Variants in DIAPH2 observed in about 807,000 individuals in gnomAD.
The protein encoded by DIAPH2 is diaphanous related formin 2.
DIAPH2 carries 35 observed loss-of-function variants against 92.7 expected under a neutral mutation model. That is an observed-to-expected ratio of 0.38 (90% CI 0.29 to 0.50). The LOEUF is 0.50. DIAPH2 is among the 20% of genes least tolerant of loss of function. DIAPH2 has a pLI of 0.94. For synonymous variants in DIAPH2, 301 were observed against 280.4 expected, an observed-to-expected ratio of 1.07 and a Z score of -0.73; for missense variants, 701 against 819.5, an observed-to-expected ratio of 0.86 and a Z score of 1.77.
At chrX:97,567,912 C>T (rs1248899222) in intron 26 of DIAPH2, among the ~76,000 whole-genome samples, 7 of 108,173 alleles carry the variant, frequency 6.5e-5, no homozygotes, top group East Asian at 2.9e-4. Flanking sequence ...GTTGGGAGTT[C>T]GAGACAAGCG....
At chrX:97,027,597 T>C (rs763172812) in intron 17 of DIAPH2, among the ~76,000 whole-genome samples, 153 of 112,376 alleles carry the variant, frequency 1.4e-3, no homozygotes, top group African/African-American at 4.7e-3. Flanking sequence ...AGCTGGGCTA[T>C]TGTCTTGGAG....
intron 26 of DIAPH2, among the ~76,000 whole-genome samples, chrX:97,542,833 T>C (rs1480539460): frequency 9.0e-6 from 1 of 111,177 alleles, no homozygotes; most frequent in African/African-American, 3.3e-5. Context: ...ATAACCGATA[T>C]ATGGTGGGGA....
rs778796568 is a variant in DIAPH2, at chrX:97,537,886, CTT to C, written c.3242-61350_3242-61349del. Among the ~76,000 whole-genome samples the C allele has an allele frequency of 7.4e-3, 684 of 92,264 alleles. 10 individuals carry two copies. Among genetic ancestry groups the C allele is most frequent in the African/African-American group, 0.025 (621 of 24,448 alleles). 80.1% of individuals were successfully genotyped at this position (92,264 alleles called of 115,157 possible). On this transcript the variant is annotated intron_variant, in intron 26 of 26. Transcript: ENST00000324765. ...ACACTACTTAAGCTAAGACTAAATT[CTT>C]TTTTTTTTTTTTTTTTGAGACAGTC...
chrX:97,360,457 CAA>C (rs377748223), intron 24 of DIAPH2, among the ~76,000 whole-genome samples: 3,614 of 88,517 alleles, frequency 0.041, 56 homozygotes, highest in Middle Eastern at 0.053. Context: ...ATTAAAAATA[CAA>C]AAAAAAAAAA....
At chrX:97,295,579 C>G (rs779269689) in intron 23 of DIAPH2, among the ~76,000 whole-genome samples, 6 of 111,338 alleles carry the variant, frequency 5.4e-5, no homozygotes, top group Non-Finnish European at 1.1e-4. Context: ...ACAGTTGGAT[C>G]AACTGAGGCA....
At chrX:96,828,036 C>T (rs1286565405) in intron 4 of DIAPH2, among the ~76,000 whole-genome samples, 1 of 111,873 alleles carries the variant, frequency 8.9e-6, no homozygotes, top group African/African-American at 3.3e-5. Flanking sequence ...TCCTAAAGTG[C>T]CGGGATTACA....
chrX:96,895,671 C>T (rs971273844), intron 5 of DIAPH2, among the ~76,000 whole-genome samples: 3 of 112,055 alleles, frequency 2.7e-5, no homozygotes, highest in Non-Finnish European at 5.6e-5. Flanking sequence ...ATGGCTTTTA[C>T]ATTTCCATTG....
intron 15 of DIAPH2, among the ~76,000 whole-genome samples, chrX:96,953,237 A>T (rs1026033441): frequency 8.9e-6 from 1 of 111,895 alleles, no homozygotes; most frequent in African/African-American, 3.2e-5. Flanking sequence ...AGTTCGTTCA[A>T]TATTTTATGG....
intron 21 of DIAPH2, 50 bp downstream of exon 21, chrX:97,115,015 A>G (rs771087078): frequency 4.7e-6 from 5 of 1,071,057 alleles, no homozygotes; most frequent in South Asian, 2.7e-5. Flanking sequence ...CTTCTTGTCT[A>G]TGAAAGGTGA....
At chrX:97,062,295 T>C (rs1287276041) in intron 17 of DIAPH2, among the ~76,000 whole-genome samples, 1 of 112,166 alleles carries the variant, frequency 8.9e-6, no homozygotes, top group Non-Finnish European at 1.9e-5. Flanking sequence ...TAACAATATT[T>C]GCACTTTTCT....
At chrX:97,107,595 G>A (rs975913032) in intron 20 of DIAPH2, among the ~76,000 whole-genome samples, 2 of 111,767 alleles carry the variant, frequency 1.8e-5, no homozygotes, top group African/African-American at 6.5e-5. Flanking sequence ...AATCTGGTCA[G>A]TATTGACTCA....
intron 17 of DIAPH2, among the ~76,000 whole-genome samples, chrX:96,968,164 A>C (rs970566527): frequency 1.2e-4 from 13 of 110,068 alleles, no homozygotes; most frequent in Admixed American, 1.1e-3. Context: ...TAGTGTTATG[A>C]GCATTTTTTC....
chrX:97,134,829 A>G (rs1400989040), intron 21 of DIAPH2, among the ~76,000 whole-genome samples: 2 of 111,697 alleles, frequency 1.8e-5, no homozygotes, highest in East Asian at 2.8e-4. Context: ...CAGCTCTGCT[A>G]CCTCCTGTAT....
chrX:97,171,449 A>G (rs2067453096), intron 22 of DIAPH2, among the ~76,000 whole-genome samples: 1 of 111,761 alleles, frequency 8.9e-6, no homozygotes, highest in Admixed American at 9.5e-5. Flanking sequence ...TGCAAACCTT[A>G]TCATACATAC....
intron 4 of DIAPH2, among the ~76,000 whole-genome samples, chrX:96,772,978 A>G (rs1240936795): frequency 8.9e-6 from 1 of 112,228 alleles, no homozygotes; most frequent in Non-Finnish European, 1.9e-5. Context: ...GAGCTGTTCT[A>G]CGAAGTGTGA....
At chrX:97,107,456 A>G (rs770665153) in intron 20 of DIAPH2, among the ~76,000 whole-genome samples, 1 of 112,004 alleles carries the variant, frequency 8.9e-6, no homozygotes, top group African/African-American at 3.2e-5. Context: ...TTGCTACAGA[A>G]AGTATTAGAA....
At chrX:96,991,370 G>A (rs777055064) in intron 17 of DIAPH2, among the ~76,000 whole-genome samples, 15 of 109,662 alleles carry the variant, frequency 1.4e-4, no homozygotes, top group Non-Finnish European at 2.1e-4. Context: ...CACCTGCCTC[G>A]CCCTCCCAAA....
intron 25 of DIAPH2, among the ~76,000 whole-genome samples, chrX:97,389,465 CAAAA>C (rs1164301048): frequency 5.8e-5 from 2 of 34,525 alleles, no homozygotes; most frequent in Non-Finnish European, 1.1e-4. Context: ...GACTCTGTCT[CAAAA>C]AAAAAAAAAA....
chrX:96,914,963 A>G (rs936132949), intron 7 of DIAPH2, among the ~76,000 whole-genome samples: 1 of 111,126 alleles, frequency 9.0e-6, no homozygotes, highest in African/African-American at 3.3e-5. Flanking sequence ...TTTATCCAAA[A>G]TGACTTACAC....
Sources: allele counts gnomAD v4.1 joint callset (sites outside exome capture counted in the v4.1 genomes callset), GRCh38; gene constraint gnomAD v4.1.1; transcripts MANE v1.5; gene names NCBI Gene and HGNC (gene_info 2026-07-23, HGNC 2026-07-21).